Variants in ZFYVE28 observed in about 807,000 individuals in gnomAD.
ZFYVE28 encodes lateral signaling target protein 2 homolog.
In ZFYVE28, 40 loss-of-function variants were observed where a neutral mutation model predicts 82.1. That is an observed-to-expected ratio of 0.49 (90% confidence interval 0.38 to 0.63). The LOEUF is 0.63. Among genes scored for constraint, ZFYVE28 ranks in the 30% least tolerant of loss-of-function variants. The pLI is 0.00. For missense variants in ZFYVE28, 1,321 were observed against 1,242.1 expected, an observed-to-expected ratio of 1.06 and a Z score of -0.96; for synonymous variants, 612 against 546.1, an observed-to-expected ratio of 1.12 and a Z score of -1.68.
intron 2 of ZFYVE28, among the ~76,000 whole-genome samples, chr4:2,346,713 C>T (rs1723656877): frequency 6.6e-6 from 1 of 151,732 alleles, no homozygotes; most frequent in African/African-American, 2.4e-5. Context: ...TATTATAAAC[C>T]CTAAAGCAAC....
chr4:2,343,454 C>T (rs1464999229), intron 2 of ZFYVE28: 2 of 152,182 alleles, frequency 1.3e-5, no homozygotes, highest in Non-Finnish European at 2.9e-5. Context: ...AAATTCTGCA[C>T]TGTAAGAAAA....
At chr4:2,318,790 A>G (rs1560196258) in intron 7 of ZFYVE28, among the ~76,000 whole-genome samples, 1 of 152,178 alleles carries the variant, frequency 6.6e-6, no homozygotes, top group Non-Finnish European at 1.5e-5. Flanking sequence ...CTGTAATCCC[A>G]ACCCTTTGGA....
chr4:2,281,115 T>G (rs1258953975), intron 8 of ZFYVE28, among the ~76,000 whole-genome samples: 1 of 152,134 alleles, frequency 6.6e-6, no homozygotes, highest in East Asian at 1.9e-4. Flanking sequence ...CTGGAAGCTC[T>G]GGTGGCGTGG....
intron 1 of ZFYVE28, among the ~76,000 whole-genome samples, chr4:2,395,449 C>G (rs527664009): frequency 6.6e-6 from 1 of 152,200 alleles, no homozygotes; most frequent in Non-Finnish European, 1.5e-5. Context: ...GGGATCCCAA[C>G]GCTCTCCCCA....
chr4:2,394,727 G>A lies in ZFYVE28; in HGVS notation c.39+23558C>T, dbSNP rs1322373107. On this transcript the variant is annotated intron_variant, in intron 1 of 12. Transcript: ENST00000290974. This position sits in a 1 kb window ranked among gnomAD's most constrained non-coding sequence, Gnocchi z 4.0. The stretch of plus-strand genomic sequence containing the variant: ...CTGTGAACAGGCACCACTCTGCGCA[G>A]CTGCATCGATGCCTGACTGCACGTG... Among the ~76,000 whole-genome samples the A allele has an allele frequency of 6.6e-6, 1 of 152,232 alleles. No individual in the cohort carries two copies. Among genetic ancestry groups the A allele is most frequent in the Non-Finnish European group, 1.5e-5 (1 of 68,042 alleles).
intron 2 of ZFYVE28, among the ~76,000 whole-genome samples, chr4:2,345,601 C>T (rs1046806541): frequency 5.3e-5 from 8 of 151,438 alleles, no homozygotes; most frequent in African/African-American, 7.3e-5. Flanking sequence ...AGTCCCAAAA[C>T]GAGGAGGAAT....
chr4:2,341,752 G>T lies in ZFYVE28; in HGVS notation c.181-137C>A. 7.8e-7 allele frequency: 1 copy of T among 1,276,116 alleles called. No individual in the cohort carries two copies. Among genetic ancestry groups the T allele is most frequent in the Non-Finnish European group, 1.1e-6 (1 of 931,340 alleles). The allele number at this position is 1,276,116 out of a possible 1,614,324, so 79.0% of individuals were successfully genotyped here. A position where few individuals can be genotyped will look rare whatever the true frequency, so the allele number is the denominator to read the frequency against. On this transcript the variant is annotated intron_variant, in intron 2 of 12. Transcript: ENST00000290974. This position sits in a 1 kb window ranked among gnomAD's most constrained non-coding sequence, Gnocchi z 4.5. ...GTGATAGAGGAGGCTAGGCACGGTG[G>T]CTCATGCCTATAATGCCAGCACTTT...
chr4:2,284,176 G>T (rs1235139676), intron 8 of ZFYVE28, among the ~76,000 whole-genome samples: 2 of 152,216 alleles, frequency 1.3e-5, no homozygotes, highest in Non-Finnish European at 2.9e-5. Context: ...CCGGATTCAC[G>T]TGTGTACGCA....
intron 1 of ZFYVE28, among the ~76,000 whole-genome samples, chr4:2,357,817 G>GCCACGCAGAGA (rs201077810): frequency 0.015 from 2,282 of 152,296 alleles, 31 homozygotes; most frequent in Middle Eastern, 0.031. Context: ...ACGAGCAGGG[G>GCCACGCAGAGA]CCACGCAGAG....
At chr4:2,298,446 C>T (rs1431123676) in intron 8 of ZFYVE28, among the ~76,000 whole-genome samples, 1 of 152,164 alleles carries the variant, frequency 6.6e-6, no homozygotes, top group Non-Finnish European at 1.5e-5. Context: ...CACTCCCCAC[C>T]ATGACTCCAG....
chr4:2,288,527 G>C (rs1204631708), intron 8 of ZFYVE28, among the ~76,000 whole-genome samples: 2 of 152,234 alleles, frequency 1.3e-5, no homozygotes, highest in East Asian at 3.9e-4. Context: ...CGTGGCTGCT[G>C]CTCCAAGGGG....
At position 2,305,083 on chromosome 4, in the gene ZFYVE28, T is replaced by A. The variant is rs1458016247; in HGVS notation, c.1257A>T (p.Pro419=). The change falls in exon 8 of 13, where the codon CCA becomes CCT. Residue 419 remains proline, a synonymous_variant. Coordinates refer to ENST00000290974, the MANE Select transcript of ZFYVE28 (RefSeq NM_020972.3). ...TAEALARPES[P]AGPFGWAGST... is the part of the protein sequence containing the mutation. ...TGCCTGCCCACCCAAATGGGCCAGC[T>A]GGGGACTCGGGCCTGGCCAGGGCTT... 5 of 1,608,222 alleles carry A rather than the reference T, an allele frequency of 3.1e-6. No homozygotes were observed. The highest frequency in any genetic ancestry group is 1.7e-5 in the Admixed American group (1 of 59,830).
chr4:2,292,768 C>T (rs926368465), intron 8 of ZFYVE28, among the ~76,000 whole-genome samples: 1 of 152,146 alleles, frequency 6.6e-6, no homozygotes, highest in African/African-American at 2.4e-5. Context: ...CAAGCTCTTC[C>T]AGAAACCCGA....
At chr4:2,378,751 G>A (rs375164311) in intron 1 of ZFYVE28, among the ~76,000 whole-genome samples, 1 of 152,134 alleles carries the variant, frequency 6.6e-6, no homozygotes, top group African/African-American at 2.4e-5. Flanking sequence ...ACCCAACCAC[G>A]AATTTTGGAG....
chr4:2,312,035 T>C (rs531889105), intron 7 of ZFYVE28, among the ~76,000 whole-genome samples: 10 of 152,286 alleles, frequency 6.6e-5, no homozygotes, highest in Non-Finnish European at 1.0e-4. Flanking sequence ...TTGGAATCAA[T>C]ACAAAAAGAA....
At chr4:2,303,105 C>A (rs117216025) in intron 8 of ZFYVE28, among the ~76,000 whole-genome samples, 1 of 152,146 alleles carries the variant, frequency 6.6e-6, no homozygotes, top group African/African-American at 2.4e-5. Flanking sequence ...GGAGGGACAC[C>A]GGGAACCAGG....
Position 2,362,717 on chromosome 4 carries a change from G to A in ZFYVE28, c.40-8644C>T, listed in dbSNP as rs924241556. ...CACTCCTGTGGTCCCAGGCACAGCCGTGCTGCCACACCCACCCCAATGTTA... is the reference window on the plus strand; with the variant it reads ...CACTCCTGTGGTCCCAGGCACAGCCATGCTGCCACACCCACCCCAATGTTA... On this transcript the variant is annotated intron_variant, in intron 1 of 12. Transcript: ENST00000290974. This position sits in a 1 kb window ranked among gnomAD's most constrained non-coding sequence, Gnocchi z 5.1. 3.3e-5 allele frequency among the ~76,000 whole-genome samples: 5 copies of A among 152,242 alleles called. No homozygotes were observed. Among genetic ancestry groups the A allele is most frequent in the African/African-American group, 9.6e-5 (4 of 41,558 alleles).
chr4:2,277,725 G>T (rs927751375), intron 8 of ZFYVE28, among the ~76,000 whole-genome samples: 1 of 152,186 alleles, frequency 6.6e-6, no homozygotes, highest in Non-Finnish European at 1.5e-5. Flanking sequence ...GTGTTCACAG[G>T]TCGGAAGACA....
intron 1 of ZFYVE28, among the ~76,000 whole-genome samples, chr4:2,385,489 G>A (rs1729159794): frequency 6.6e-6 from 1 of 152,204 alleles, no homozygotes; most frequent in Non-Finnish European, 1.5e-5. Context: ...TAGGTCTCTG[G>A]ACTGTCAGCT....
Sources: allele counts gnomAD v4.1 joint callset (sites outside exome capture counted in the v4.1 genomes callset), GRCh38; gene constraint gnomAD v4.1.1; non-coding constraint Gnocchi (gnomAD v3.1); transcripts MANE v1.5; gene names NCBI Gene and HGNC (gene_info 2026-07-23, HGNC 2026-07-21).